SLC8A1: variants seen among roughly 807,000 people sequenced by gnomAD.
SLC8A1 encodes the protein solute carrier family 8 member A1.
A neutral mutation model predicts 68.3 loss-of-function variants in SLC8A1; 18 were observed. The ratio of observed to expected loss-of-function variants is 0.26; its 90% CI spans 0.18 to 0.39. The LOEUF is 0.39. Ranked by LOEUF, SLC8A1 falls within the 10% of genes least tolerant of loss-of-function variation. SLC8A1 has a pLI of 1.00. For missense variants in SLC8A1, 985 were observed against 1,156.7 expected (o/e 0.85, Z 2.15); for synonymous variants, 475 against 415.5 (o/e 1.14, Z -1.74).
chr2:40,450,428 C>G (rs1702232101), intron 1 of SLC8A1, among the ~76,000 whole-genome samples: 1 of 151,982 alleles, frequency 6.6e-6, no homozygotes, highest in Non-Finnish European at 1.5e-5. Context: ...GAATTCTCTC[C>G]TGGTGGCTCC....
At chr2:40,446,307 C>T (rs1404841530) in intron 1 of SLC8A1, 1 of 152,162 alleles carries the variant, frequency 6.6e-6, no homozygotes, top group Non-Finnish European at 1.5e-5. Context: ...TGTACAATGG[C>T]TTATGTTGTT....
chr2:40,156,587 A>G (rs942546996), intron 6 of SLC8A1, among the ~76,000 whole-genome samples: 1 of 152,032 alleles, frequency 6.6e-6, no homozygotes, highest in African/African-American at 2.4e-5. Flanking sequence ...AGGAAAACAA[A>G]TTCTTCCCTT....
intron 2 of SLC8A1, among the ~76,000 whole-genome samples, chr2:40,390,635 A>G (rs1684965032): frequency 6.6e-6 from 1 of 152,102 alleles, no homozygotes; most frequent in Admixed American, 6.6e-5. Context: ...CCACCATCTT[A>G]TCCTATAGAC....
At chr2:40,292,701 C>G (rs1180052417) in intron 2 of SLC8A1, among the ~76,000 whole-genome samples, 2 of 152,168 alleles carry the variant, frequency 1.3e-5, no homozygotes, top group Non-Finnish European at 2.9e-5. Context: ...TGGTTCCCCT[C>G]TCAACACACC....
chr2:40,205,258 A>ATAACT (rs551648227), intron 2 of SLC8A1, among the ~76,000 whole-genome samples: 2,367 of 151,974 alleles, frequency 0.016, 70 homozygotes, highest in African/African-American at 0.054. Context: ...CAATTTAAAA[A>ATAACT]TAAATAAAAA....
intron 2 of SLC8A1, among the ~76,000 whole-genome samples, chr2:40,352,243 T>C (rs1362007385): frequency 1.3e-5 from 2 of 152,178 alleles, no homozygotes; most frequent in African/African-American, 4.8e-5. Context: ...AGGAATATAC[T>C]CATTTAGGGA....
At chr2:40,410,092 T>A (rs1559563408) in intron 2 of SLC8A1, among the ~76,000 whole-genome samples, 1 of 152,078 alleles carries the variant, frequency 6.6e-6, no homozygotes, top group East Asian at 1.9e-4. Flanking sequence ...AAATAAAAAC[T>A]TTATGTTTTA....
intron 4 of SLC8A1, among the ~76,000 whole-genome samples, chr2:40,166,399 T>G (rs441413): frequency 0.099 from 15,091 of 152,254 alleles, 891 homozygotes; most frequent in Admixed American, 0.18. Flanking sequence ...CATTTTATAG[T>G]GTCATCCTAA....
At chr2:40,174,971 G>A in intron 3 of SLC8A1, 129 bp from the exon 5 acceptor site, 3 of 872,566 alleles carry the variant, frequency 3.4e-6, no homozygotes. Flanking sequence ...AAGAAGACTA[G>A]GAAAATGTTC....
At chr2:40,344,398 G>A (rs116464567) in intron 2 of SLC8A1, among the ~76,000 whole-genome samples, 1 of 152,012 alleles carries the variant, frequency 6.6e-6, no homozygotes, top group African/African-American at 2.4e-5. Context: ...ACTTTTAAAG[G>A]ACTTCTATCC....
chr2:40,460,579 TA>T (rs1416695854), intron 1 of SLC8A1, among the ~76,000 whole-genome samples: 2 of 116,812 alleles, frequency 1.7e-5, no homozygotes, highest in Non-Finnish European at 3.5e-5. Context: ...AAGTATTTTT[TA>T]ATTTTTTTTT....
chr2:40,241,976 G>T (rs1489269490), intron 2 of SLC8A1, among the ~76,000 whole-genome samples: 1 of 152,104 alleles, frequency 6.6e-6, no homozygotes, highest in South Asian at 2.1e-4. Context: ...TCCAAGCAGT[G>T]TTCCACTCAA....
exon 1 of SLC8A1, chr2:40,512,431 G>C (rs1706804960): frequency 6.6e-6 from 1 of 152,234 alleles, no homozygotes; most frequent in African/African-American, 2.4e-5. Context: ...AAATTTACCA[G>C]AAAGAAAGGA....
At chr2:40,242,573 G>A (rs1424458817) in intron 2 of SLC8A1, among the ~76,000 whole-genome samples, 2 of 152,178 alleles carry the variant, frequency 1.3e-5, no homozygotes, top group Non-Finnish European at 2.9e-5. Context: ...CAGGGATACC[G>A]TCTTGAATGT....
At chr2:40,118,494 T>C (rs997400624) in intron 7 of SLC8A1, 4 of 151,098 alleles carry the variant, frequency 2.6e-5, no homozygotes, top group African/African-American at 9.7e-5. Flanking sequence ...CAATCAACTA[T>C]CACAGAGACT....
chr2:40,302,523 C>T (rs2071703365), intron 2 of SLC8A1, among the ~76,000 whole-genome samples: 1 of 146,758 alleles, frequency 6.8e-6, no homozygotes, highest in African/African-American at 2.5e-5. Flanking sequence ...ACATATATAA[C>T]ATATATATTT....
At chr2:40,223,179 T>C (rs1013616589) in intron 2 of SLC8A1, among the ~76,000 whole-genome samples, 6 of 152,180 alleles carry the variant, frequency 3.9e-5, no homozygotes, top group Non-Finnish European at 5.9e-5. Context: ...TGGAATACTA[T>C]GCAGCCATAA....
At chr2:40,393,921 A>AC (rs777856147) in intron 2 of SLC8A1, among the ~76,000 whole-genome samples, 6 of 152,068 alleles carry the variant, frequency 3.9e-5, no homozygotes, top group Non-Finnish European at 8.8e-5. Context: ...CAAATACCCC[A>AC]CCACAAGCCC....
At chr2:40,316,711 T>A (rs1161363931) in intron 2 of SLC8A1, among the ~76,000 whole-genome samples, 3 of 152,030 alleles carry the variant, frequency 2.0e-5, no homozygotes, top group Non-Finnish European at 4.4e-5. Flanking sequence ...TATTTCCTAA[T>A]GCAAATCTTG....
Sources: gnomAD v4.1 joint callset for allele counts (sites outside exome capture counted in the v4.1 genomes callset) on GRCh38, gnomAD v4.1.1 for gene constraint, MANE v1.5 for transcripts, NCBI Gene and HGNC (gene_info 2026-07-23, HGNC 2026-07-21) for gene names.